Variants in NDEL1 observed in about 807,000 individuals in gnomAD.
NDEL1 encodes the protein nudE neurodevelopment protein 1 like 1, also known as nuclear distribution protein nudE-like 1.
Under a neutral mutation model 45.7 loss-of-function variants are expected in NDEL1, and 9 were observed. The ratio of observed to expected loss-of-function variants is 0.20; its 90% CI spans 0.12 to 0.34. The LOEUF is 0.34. NDEL1 is among the 10% of genes least tolerant of loss of function. The probability of loss-of-function intolerance (pLI) is 1.00; values close to 1 mark genes in which losing one functional copy is unlikely to be tolerated. For synonymous variants in NDEL1, 133 were observed against 158.6 expected, an observed-to-expected ratio of 0.84 and a Z score of 1.21; for missense variants, 306 against 406.2, an observed-to-expected ratio of 0.75 and a Z score of 2.12.
intron 7 of NDEL1, among the ~76,000 whole-genome samples, chr17:8,455,140 A>G (rs1028896019): frequency 6.6e-6 from 1 of 152,172 alleles, no homozygotes; most frequent in Admixed American, 6.5e-5. Context: ...TTTCAACAGC[A>G]CGATGCCTCT....
chr17:8,415,911 C>T (rs1228951090), intron 1 of NDEL1, among the ~76,000 whole-genome samples: 1 of 152,106 alleles, frequency 6.6e-6, no homozygotes, highest in Non-Finnish European at 1.5e-5. Flanking sequence ...CCATGTCCGG[C>T]TACTTTTTTG....
chr17:8,417,715 A>G (rs1297594285), intron 1 of NDEL1, among the ~76,000 whole-genome samples: 1 of 152,198 alleles, frequency 6.6e-6, no homozygotes, highest in Non-Finnish European at 1.5e-5. Context: ...AGGGGACACG[A>G]GGGGGTCTCA....
At chr17:8,462,715 G>T (rs989614109) in intron 8 of NDEL1, 1 of 152,224 alleles carries the variant, frequency 6.6e-6, no homozygotes, top group Non-Finnish European at 1.5e-5. Flanking sequence ...TCTCACTCCT[G>T]AGGAGTCTGT....
chr17:8,416,115 A>G (rs1908541594), intron 1 of NDEL1, among the ~76,000 whole-genome samples: 1 of 152,072 alleles, frequency 6.6e-6, no homozygotes, highest in African/African-American at 2.4e-5. Context: ...GCTTACTGTC[A>G]CCACCACCCA....
At chr17:8,460,258 A>G in intron 8 of NDEL1, 98 bp downstream of exon 8, 1 of 1,312,882 alleles carries the variant, frequency 7.6e-7, no homozygotes, top group Non-Finnish European at 1.0e-6. Context: ...ACTCAGCTTG[A>G]CAAACCTTCC....
intron 6 of NDEL1, 121 bp downstream of exon 6, chr17:8,451,074 G>T: frequency 1.2e-6 from 1 of 838,848 alleles, no homozygotes. Context: ...GTGAAGTCTA[G>T]TGCTATGTGA....
At chr17:8,433,957 TG>T (rs952025532), upstream of NDEL1, among the ~76,000 whole-genome samples, 1 of 152,224 alleles carries the variant, frequency 6.6e-6, no homozygotes, top group African/African-American at 2.4e-5. Context: ...TTTATTGATT[TG>T]GGTACCTCTT....
chr17:8,446,636 G>C (rs1910095030), intron 3 of NDEL1, 118 bp from the exon 4 acceptor site: 2 of 984,764 alleles, frequency 2.0e-6, no homozygotes, highest in Non-Finnish European at 2.9e-6. Flanking sequence ...TAAAGTAATT[G>C]TTACAAGAGT....
At chr17:8,428,357 TGTGTA>T (rs772079317) in intron 1 of NDEL1, among the ~76,000 whole-genome samples, 13,950 of 118,992 alleles carry the variant, frequency 0.12, 1,287 homozygotes, top group Non-Finnish European at 0.16. Flanking sequence ...TGTGTGTGTG[TGTGTA>T]TTTTTTTTTT....
intron 1 of NDEL1, among the ~76,000 whole-genome samples, chr17:8,425,789 TTTTTTTC>T (rs1166875355): frequency 6.6e-6 from 1 of 151,964 alleles, no homozygotes; most frequent in Non-Finnish European, 1.5e-5. Context: ...TTGTCTTTTT[TTTTTTTC>T]TTTTTTCTTT....
At chr17:8,471,793 G>A (rs1387574298), downstream of NDEL1, among the ~76,000 whole-genome samples, 1 of 152,216 alleles carries the variant, frequency 6.6e-6, no homozygotes, top group Admixed American at 6.5e-5. Flanking sequence ...AATGGCAGGT[G>A]CCTACAGAAG....
In NDEL1 at chr17:8,467,311, T is replaced by G. The variant is rs1459032349; in HGVS notation, c.*288T>G. 5 of 557,782 alleles carry G rather than the reference T, an allele frequency of 9.0e-6. No individual in the cohort carries two copies. In the East Asian group the frequency reaches 1.2e-4, roughly 14 times the overall value. 34.6% of individuals were successfully genotyped at this position (557,782 alleles called of 1,614,324 possible). On this transcript the variant is annotated 3_prime_UTR_variant, in exon 9 of 9. Coordinates refer to ENST00000334527, the MANE Select transcript of NDEL1 (RefSeq NM_030808.5). This position sits in a 1 kb window ranked among gnomAD's most constrained non-coding sequence, Gnocchi z 6.3. Reference sequence around the variant, plus strand: ...ATACGTGTATTACTTGGTCACTGGATGCAGAAGTACCCATTCATCACACCT... The same window carrying G: ...ATACGTGTATTACTTGGTCACTGGAGGCAGAAGTACCCATTCATCACACCT...
chr17:8,417,835 A>G (rs527675644), intron 1 of NDEL1, among the ~76,000 whole-genome samples: 29 of 152,294 alleles, frequency 1.9e-4, no homozygotes, highest in Admixed American at 1.7e-3. Context: ...ATCTGGAGCT[A>G]TTCTGGTTTA....
upstream of NDEL1, among the ~76,000 whole-genome samples, chr17:8,433,162 C>T (rs1909059382): frequency 1.3e-5 from 2 of 151,608 alleles, no homozygotes. Context: ...ATTTTGAAAG[C>T]TCTGTTCTTG....
intron 7 of NDEL1, among the ~76,000 whole-genome samples, chr17:8,459,327 C>T (rs1032244745): frequency 2.6e-5 from 4 of 152,058 alleles, no homozygotes; most frequent in South Asian, 2.1e-4. Context: ...ATGTCATCTG[C>T]GTTGGTAGAG....
intron 4 of NDEL1, among the ~76,000 whole-genome samples, chr17:8,447,332 G>A (rs1392811997): frequency 1.3e-5 from 2 of 152,092 alleles, no homozygotes; most frequent in Admixed American, 6.5e-5. Flanking sequence ...TAGTAGAGAC[G>A]GGGTTTTGCC....
In NDEL1 at chr17:8,449,223, C is replaced by T. The variant is rs532242582; in HGVS notation, c.526+537C>T. 1.3e-3 allele frequency among the ~76,000 whole-genome samples: 197 copies of T among 152,296 alleles called. 2 individuals are homozygous for T. The highest frequency in any genetic ancestry group is 4.2e-3 in the African/African-American group (173 of 41,582). ...ATCTCGAACTCCTGACCTCGTGATC[C>T]GGCCGCCTTGGCCTCCCAAAATGCT... On this transcript the variant is annotated intron_variant, in intron 5 of 8. Transcript: ENST00000334527.
chr17:8,470,255 G>A (rs1911803781), downstream of NDEL1, among the ~76,000 whole-genome samples: 1 of 152,072 alleles, frequency 6.6e-6, no homozygotes, highest in South Asian at 2.1e-4. This position sits in a 1 kb window ranked among gnomAD's most constrained non-coding sequence, Gnocchi z 4.2. Flanking sequence ...GAGCTGCCGG[G>A]TACCTGGTTT....
intron 5 of NDEL1, among the ~76,000 whole-genome samples, chr17:8,449,909 T>G (rs576965042): frequency 6.6e-6 from 1 of 152,366 alleles, no homozygotes; most frequent in South Asian, 2.1e-4. Flanking sequence ...GGGGGATGAC[T>G]TTGTTCCTTT....
Sources: gnomAD v4.1 joint callset for allele counts (sites outside exome capture counted in the v4.1 genomes callset) on GRCh38, gnomAD v4.1.1 for gene constraint, Gnocchi (gnomAD v3.1) non-coding constraint, MANE v1.5 for transcripts, NCBI Gene and HGNC (gene_info 2026-07-23, HGNC 2026-07-21) for gene names.